MAST4: variants seen among roughly 807,000 people sequenced by gnomAD.
MAST4 encodes microtubule-associated serine/threonine-protein kinase 4.
A neutral mutation model predicts 162.7 loss-of-function variants in MAST4; 89 were observed. The observed-to-expected ratio is 0.55, with a 90% confidence interval of 0.46 to 0.65. MAST4 has a LOEUF of 0.65. Ranked by LOEUF, MAST4 falls within the 30% of genes least tolerant of loss-of-function variation. The pLI, the probability that MAST4 is intolerant of heterozygous loss-of-function variation, is 0.00. For synonymous variants in MAST4, 1,479 were observed against 1,361.1 expected (o/e 1.09, Z -1.91); for missense variants, 3,153 against 3,374.0 (o/e 0.93, Z 1.62).
chr5:67,116,499 C>T (rs1245861533), intron 12 of MAST4, among the ~76,000 whole-genome samples: 1 of 151,852 alleles, frequency 6.6e-6, no homozygotes, highest in Non-Finnish European at 1.5e-5. Flanking sequence ...AGCCACCGCA[C>T]CTGGCCTTGA....
Position 67,090,148 on chromosome 5 carries a change from T to C in MAST4, c.764-14T>C. On this transcript the variant is annotated splice_polypyrimidine_tract_variant and intron_variant, in intron 5 of 28. Coordinates refer to ENST00000403625, the MANE Select transcript of MAST4 (RefSeq NM_001164664.2). ...AAATCATGTAGTAAATTTCTCTCTT[T>C]TCTCTTTCTCTAGGAAATAGCCCTC... 6.3e-7 allele frequency: 1 copy of C among 1,583,674 alleles called. No homozygotes were observed. Among genetic ancestry groups the C allele is most frequent in the Non-Finnish European group, 8.7e-7 (1 of 1,153,860 alleles).
intron 4 of MAST4, among the ~76,000 whole-genome samples, chr5:66,924,074 T>TC (rs1764718169): frequency 6.6e-6 from 1 of 152,210 alleles, no homozygotes; most frequent in Non-Finnish European, 1.5e-5. Flanking sequence ...ACCTTGCTGT[T>TC]CCATTTTCTC....
chr5:66,627,068 A>G (rs1001396742), intron 1 of MAST4, among the ~76,000 whole-genome samples: 1 of 152,230 alleles, frequency 6.6e-6, no homozygotes. Flanking sequence ...TGGGTAATTT[A>G]TAAAGGAAAG....
intron 4 of MAST4, among the ~76,000 whole-genome samples, chr5:66,904,252 A>G (rs1294776315): frequency 2.0e-5 from 3 of 152,174 alleles, no homozygotes; most frequent in African/African-American, 4.8e-5. Flanking sequence ...CCTGGCAGCC[A>G]CTATTTATTT....
In MAST4 at chr5:67,169,552, TATGC is replaced by T. The variant is rs1306079727; in HGVS notation, c.*2503_*2506del. The stretch of plus-strand genomic sequence containing the variant: ...GTATATTGAACAAAATATTTATACT[TATGC>T]AGTTGCATAACATTGAAATAAAAAT... On this transcript the variant is annotated 3_prime_UTR_variant, in exon 29 of 29. Coordinates refer to ENST00000403625, the MANE Select transcript of MAST4 (RefSeq NM_001164664.2). 3 of 152,256 alleles carry T rather than the reference TATGC, an allele frequency of 2.0e-5. No homozygotes were observed. Among genetic ancestry groups the T allele is most frequent in the African/African-American group, 7.2e-5 (3 of 41,464 alleles). 9.4% of individuals were successfully genotyped at this position (152,256 alleles called of 1,614,324 possible). A position where few individuals can be genotyped will look rare whatever the true frequency, so the allele number is the denominator to read the frequency against.
At chr5:66,678,314 A>G (rs1457556334) in intron 1 of MAST4, among the ~76,000 whole-genome samples, 1 of 152,024 alleles carries the variant, frequency 6.6e-6, no homozygotes, top group Non-Finnish European at 1.5e-5. Flanking sequence ...TAGGAAGGAT[A>G]AGTTCTGAAG....
At chr5:66,852,434 C>A (rs1167640037) in intron 3 of MAST4, among the ~76,000 whole-genome samples, 1 of 152,188 alleles carries the variant, frequency 6.6e-6, no homozygotes, top group Non-Finnish European at 1.5e-5. Flanking sequence ...GTATGAGCCA[C>A]CGTGCCTGGC....
At chr5:66,820,144 A>G (rs1024772069) in intron 3 of MAST4, among the ~76,000 whole-genome samples, 1 of 152,066 alleles carries the variant, frequency 6.6e-6, no homozygotes, top group African/African-American at 2.4e-5. Flanking sequence ...AAATACATGT[A>G]TAGCCTGAAT....
intron 1 of MAST4, among the ~76,000 whole-genome samples, chr5:66,635,087 T>C (rs1464540446): frequency 1.3e-5 from 2 of 152,224 alleles, no homozygotes; most frequent in Admixed American, 1.3e-4. Context: ...AGGTACATCA[T>C]TCTTGTTAGC....
At chr5:67,139,359 A>G (rs1160203181) in intron 19 of MAST4, among the ~76,000 whole-genome samples, 1 of 152,266 alleles carries the variant, frequency 6.6e-6, no homozygotes, top group East Asian at 1.9e-4. Flanking sequence ...AGAAACTTCC[A>G]TGAAAGGAGA....
Position 66,929,330 on chromosome 5 carries a change from C to T in MAST4, c.674+29348C>T, listed in dbSNP as rs576048077. ...AAATGGAGAGGAGGAAATCACCTTT[C>T]CTCAGTCTTTTTTGTTCTGTCTGGG... On this transcript the variant is annotated intron_variant, in intron 4 of 28. Coordinates refer to ENST00000403625, the MANE Select transcript of MAST4 (RefSeq NM_001164664.2). 4.6e-5 allele frequency among the ~76,000 whole-genome samples: 7 copies of T among 152,204 alleles called. No homozygotes were observed. In the South Asian group the frequency reaches 1.2e-3, roughly 27 times the overall value.
intron 13 of MAST4, among the ~76,000 whole-genome samples, chr5:67,120,722 A>G (rs1159048823): frequency 1.3e-5 from 2 of 152,208 alleles, no homozygotes; most frequent in Non-Finnish European, 2.9e-5. Flanking sequence ...AAATTCCAAA[A>G]TGTTAAAAGA....
chr5:66,973,289 GTT>G (rs199660691), intron 4 of MAST4, among the ~76,000 whole-genome samples: 1 of 144,628 alleles, frequency 6.9e-6, no homozygotes, highest in African/African-American at 2.5e-5. Flanking sequence ...GTCTGTGAAA[GTT>G]TTTTTTTTTT....
At chr5:67,019,985 G>T (rs1185198202) in intron 4 of MAST4, among the ~76,000 whole-genome samples, 1 of 152,150 alleles carries the variant, frequency 6.6e-6, no homozygotes, top group Admixed American at 6.5e-5. Flanking sequence ...TCCAAAGTAG[G>T]ACAACCATGG....
intron 1 of MAST4, among the ~76,000 whole-genome samples, chr5:66,680,749 A>C (rs1390385501): frequency 6.6e-6 from 1 of 152,164 alleles, no homozygotes; most frequent in Non-Finnish European, 1.5e-5. Flanking sequence ...CCCCCAAAAA[A>C]GGCAAACCCG....
At chr5:67,067,673 TCC>T (rs1760414065) in intron 5 of MAST4, among the ~76,000 whole-genome samples, 1 of 152,024 alleles carries the variant, frequency 6.6e-6, no homozygotes, top group African/African-American at 2.4e-5. Context: ...CCTTTGGAGG[TCC>T]CTTTGCTGGT....
At position 66,716,857 on chromosome 5, in the gene MAST4, T is replaced by C. The variant is rs150851563; in HGVS notation, c.364-42852T>C. Among the ~76,000 whole-genome samples the C allele has an allele frequency of 5.9e-5, 9 of 152,292 alleles. No individual in the cohort carries two copies. The East Asian group carries it at 1.7e-3, about 29-fold the overall frequency. On this transcript the variant is annotated intron_variant, in intron 1 of 28. Coordinates refer to ENST00000403625, the MANE Select transcript of MAST4 (RefSeq NM_001164664.2). Reference sequence around the variant, plus strand: ...TACCATGACCAGAACTGATGTCACCTTTATCATTTATATCTTTCCCTTCTG... The same window carrying C: ...TACCATGACCAGAACTGATGTCACCCTTATCATTTATATCTTTCCCTTCTG...
intron 1 of MAST4, among the ~76,000 whole-genome samples, chr5:66,667,784 T>G (rs1462412578): frequency 7.3e-6 from 1 of 136,576 alleles, no homozygotes; most frequent in African/African-American, 3.0e-5. Context: ...TCCAACAAAT[T>G]ATAATTGATT....
At chr5:67,009,635 A>G (rs75143517) in intron 4 of MAST4, among the ~76,000 whole-genome samples, 25 of 152,362 alleles carry the variant, frequency 1.6e-4, no homozygotes, top group African/African-American at 5.5e-4. Context: ...AAAATTCTCA[A>G]TAAATTTTAG....
Sources: allele counts gnomAD v4.1 joint callset (sites outside exome capture counted in the v4.1 genomes callset), GRCh38; gene constraint gnomAD v4.1.1; transcripts MANE v1.5; gene names NCBI Gene and HGNC (gene_info 2026-07-23, HGNC 2026-07-21).